Variants in XRN1 observed in about 807,000 individuals in gnomAD.
XRN1 encodes the protein strand-exchange protein 1 homolog.
XRN1 carries 67 observed loss-of-function variants against 222.3 expected under a neutral mutation model. The ratio of observed to expected loss-of-function variants is 0.30; its 90% CI spans 0.25 to 0.37. The LOEUF (loss-of-function observed/expected upper bound fraction) is 0.37. Ranked by LOEUF, XRN1 falls within the 10% of genes least tolerant of loss-of-function variation. The pLI is 1.00. For synonymous variants in XRN1, 643 were observed against 652.4 expected, an observed-to-expected ratio of 0.99 and a Z score of 0.22; for missense variants, 1,707 against 2,000.2, an observed-to-expected ratio of 0.85 and a Z score of 2.80.
chr3:142,355,533 T>C (rs758504711), intron 31 of XRN1, 37 bp from the exon 32 acceptor site: 4 of 1,263,804 alleles, frequency 3.2e-6, no homozygotes, highest in South Asian at 1.3e-5. Context: ...GAAAATGAAA[T>C]AGGAAGAAAT....
At chr3:142,321,487 TA>T (rs1414303962) in intron 37 of XRN1, among the ~76,000 whole-genome samples, 1 of 152,182 alleles carries the variant, frequency 6.6e-6, no homozygotes, top group East Asian at 1.9e-4. Context: ...TGCAAGGGTT[TA>T]TTTTTGGGCT....
intron 15 of XRN1, among the ~76,000 whole-genome samples, chr3:142,410,762 G>C (rs2068544109): frequency 6.6e-6 from 1 of 152,022 alleles, no homozygotes; most frequent in Non-Finnish European, 1.5e-5. Flanking sequence ...CCAAAGTGCT[G>C]GGATTACAGG....
At chr3:142,358,226 T>C (rs552319650) in intron 30 of XRN1, among the ~76,000 whole-genome samples, 1 of 152,158 alleles carries the variant, frequency 6.6e-6, no homozygotes, top group Admixed American at 6.5e-5. Flanking sequence ...AGCCCTTTTT[T>C]CCCTCATTTT....
chr3:142,321,105 CTTTTTT>C (rs573856556), intron 37 of XRN1, among the ~76,000 whole-genome samples: 1 of 87,310 alleles, frequency 1.1e-5, no homozygotes, highest in African/African-American at 4.8e-5. Flanking sequence ...CATCCACTTC[CTTTTTT>C]TTTTTTTTTT....
At chr3:142,360,852 C>T (rs1444530689) in intron 29 of XRN1, among the ~76,000 whole-genome samples, 5 of 125,140 alleles carry the variant, frequency 4.0e-5, no homozygotes, top group African/African-American at 1.3e-4. Flanking sequence ...CCAGCCTGGG[C>T]GACAGAGCGA....
chr3:142,320,627 T>C (rs2065327721), intron 37 of XRN1, among the ~76,000 whole-genome samples: 1 of 152,186 alleles, frequency 6.6e-6, no homozygotes, highest in African/African-American at 2.4e-5. Flanking sequence ...TAAATCTTTG[T>C]CTAGGCCAAT....
intron 8 of XRN1, among the ~76,000 whole-genome samples, chr3:142,421,920 G>GT (rs112504014): frequency 0.13 from 19,925 of 152,102 alleles, 1,324 homozygotes; most frequent in African/African-American, 0.14. Context: ...TCAATTTTCT[G>GT]TTTTCATTGA....
At chr3:142,414,556 C>T (rs1029186106) in intron 13 of XRN1, among the ~76,000 whole-genome samples, 1 of 150,768 alleles carries the variant, frequency 6.6e-6, no homozygotes, top group African/African-American at 2.4e-5. Context: ...AGTGCAGTGG[C>T]GCGATCCTGG....
At chr3:142,340,352 T>A (rs1414531825) in intron 33 of XRN1, among the ~76,000 whole-genome samples, 2 of 151,062 alleles carry the variant, frequency 1.3e-5, no homozygotes, top group Non-Finnish European at 2.9e-5. Flanking sequence ...TGAAACTCCA[T>A]CTCAAAAACA....
At chr3:142,440,155 T>C (rs1240089844) in intron 1 of XRN1, among the ~76,000 whole-genome samples, 1 of 152,138 alleles carries the variant, frequency 6.6e-6, no homozygotes, top group African/African-American at 2.4e-5. Context: ...GGCACGGCCT[T>C]CTCAGTCTTA....
At chr3:142,331,424 T>C (rs976155732) in intron 36 of XRN1, among the ~76,000 whole-genome samples, 2 of 152,190 alleles carry the variant, frequency 1.3e-5, no homozygotes. Context: ...TTGTAGATTT[T>C]TCTATTTTTA....
intron 15 of XRN1, among the ~76,000 whole-genome samples, chr3:142,408,899 GGTA>G (rs1278916465): frequency 1.3e-5 from 2 of 152,130 alleles, no homozygotes; most frequent in East Asian, 3.9e-4. Context: ...CTGGGATTAT[GGTA>G]TAGTGGTATC....
rs72990437 is a variant in XRN1 at position 142,387,779 on chromosome 3, T to C, written c.2340-3094A>G. Among the ~76,000 whole-genome samples the C allele has an allele frequency of 9.9e-3, 1,508 of 152,302 alleles. 29 individuals are homozygous for C. Among genetic ancestry groups the C allele is most frequent in the African/African-American group, 0.035 (1,442 of 41,560 alleles). ...GGTCATGGGGTGGATCCTTCATAAA[T>C]GGCTTGCTGCTGTCTTCCTTGCAAT... is the stretch of plus-strand genomic sequence containing the variant. On this transcript the variant is annotated intron_variant, in intron 20 of 40. Transcript: ENST00000392981.
intron 39 of XRN1, among the ~76,000 whole-genome samples, chr3:142,318,303 A>C (rs2065260373): frequency 6.7e-6 from 1 of 150,238 alleles, no homozygotes; most frequent in African/African-American, 2.4e-5. Flanking sequence ...TGAAGAAATT[A>C]CATGATTTTT....
At chr3:142,367,978 T>C (rs1439894545) in intron 27 of XRN1, among the ~76,000 whole-genome samples, 1 of 151,348 alleles carries the variant, frequency 6.6e-6, no homozygotes, top group Non-Finnish European at 1.5e-5. Context: ...TGCACCTCCC[T>C]GACAAATTAA....
Position 142,404,996 on chromosome 3 carries a change from G to A in XRN1, c.1794C>T (p.Cys598=), listed in dbSNP as rs1238087568. 1 of 1,613,836 alleles carries A rather than the reference G, an allele frequency of 6.2e-7. No individual in the cohort carries two copies. The highest frequency in any genetic ancestry group is 1.1e-5 in the South Asian group (1 of 91,066). ...TGTCTCTATCATACCAGCACATTAG[G>A]CACTCACTATGTTGGTTTCTTTTCC... ...EERKRNQHSE[C]LMCWYDRDTE... is the part of the protein sequence containing the mutation. The change falls in exon 16 of 41, where the codon TGC becomes TGT. Residue 598 remains cysteine, a synonymous_variant. Coordinates refer to ENST00000392981, the MANE Select transcript of XRN1 (RefSeq NM_001282857.2).
intron 39 of XRN1, among the ~76,000 whole-genome samples, chr3:142,316,291 ACTG>A (rs2065210866): frequency 7.1e-6 from 1 of 141,056 alleles, no homozygotes; most frequent in Non-Finnish European, 1.5e-5. Context: ...ATCACAGCTC[ACTG>A]CAGCCTTGAC....
intron 37 of XRN1, among the ~76,000 whole-genome samples, chr3:142,324,516 T>C (rs1221227751): frequency 1.3e-5 from 2 of 152,022 alleles, no homozygotes; most frequent in Non-Finnish European, 2.9e-5. Context: ...TTGGGTTGGT[T>C]CCAAGTCTTT....
chr3:142,409,049 TTTAAC>T (rs1269182205), intron 15 of XRN1, among the ~76,000 whole-genome samples: 2 of 152,248 alleles, frequency 1.3e-5, no homozygotes, highest in African/African-American at 2.4e-5. Flanking sequence ...GGGTTGTGTC[TTTAAC>T]TTGAGTTGGA....
Sources: allele counts gnomAD v4.1 joint callset (sites outside exome capture counted in the v4.1 genomes callset), GRCh38; gene constraint gnomAD v4.1.1; transcripts MANE v1.5; gene names NCBI Gene and HGNC (gene_info 2026-07-23, HGNC 2026-07-21).